MKLN1: variants seen among roughly 807,000 people sequenced by gnomAD.
MKLN1 encodes the protein muskelin 1.
A neutral mutation model predicts 99.0 loss-of-function variants in MKLN1; 18 were observed. That is an observed-to-expected ratio of 0.18 (90% CI 0.13 to 0.27). The LOEUF (loss-of-function observed/expected upper bound fraction) is 0.27. Ranked by LOEUF, MKLN1 falls within the 10% of genes least tolerant of loss-of-function variation. The probability of loss-of-function intolerance (pLI) is 1.00; values close to 1 mark genes in which losing one functional copy is unlikely to be tolerated. For missense variants in MKLN1, 621 were observed against 875.9 expected (o/e 0.71, Z 3.67); for synonymous variants, 288 against 293.2 (o/e 0.98, Z 0.18).
At chr7:131,178,338 C>A (rs1006992672) in intron 2 of MKLN1, among the ~76,000 whole-genome samples, 1 of 131,416 alleles carries the variant, frequency 7.6e-6, no homozygotes, top group African/African-American at 2.9e-5. Context: ...GGTTTTGCCA[C>A]GTTGGCCAGG....
At chr7:131,383,815 C>T (rs1236293517) in intron 2 of MKLN1, among the ~76,000 whole-genome samples, 1 of 152,294 alleles carries the variant, frequency 6.6e-6, no homozygotes, top group Admixed American at 6.5e-5. Flanking sequence ...AAACTGTCTA[C>T]TGTTGTCCAT....
intron 12 of MKLN1, among the ~76,000 whole-genome samples, chr7:131,454,084 TTTATCA>T (rs1421096730): frequency 6.6e-6 from 1 of 150,472 alleles, no homozygotes; most frequent in Non-Finnish European, 1.5e-5. Context: ...TTAACAGTAC[TTTATCA>T]TTATCTGTTA....
chr7:131,378,301 T>G (rs1348408073), intron 2 of MKLN1, among the ~76,000 whole-genome samples: 1 of 152,052 alleles, frequency 6.6e-6, no homozygotes, highest in Non-Finnish European at 1.5e-5. Flanking sequence ...TAGTAGATAC[T>G]GGGTTTCACC....
intron 1 of MKLN1, among the ~76,000 whole-genome samples, chr7:131,364,856 C>T (rs184994023): frequency 1.1e-4 from 16 of 152,190 alleles, no homozygotes; most frequent in African/African-American, 3.6e-4. Flanking sequence ...TAATCTGTCA[C>T]TGGTGGACAT....
chr7:131,225,285 C>T (rs978143024), intron 3 of MKLN1, among the ~76,000 whole-genome samples: 50 of 152,114 alleles, frequency 3.3e-4, no homozygotes, highest in African/African-American at 1.2e-3. Context: ...TGCTGTGTCT[C>T]CACATGGTGG....
chr7:131,339,284 A>G (rs981715897), intron 1 of MKLN1, among the ~76,000 whole-genome samples: 1 of 152,240 alleles, frequency 6.6e-6, no homozygotes, highest in African/African-American at 2.4e-5. Flanking sequence ...TTCTTAGCCA[A>G]AAAACTGAGA....
At chr7:131,377,689 ACTTTT>A (rs1363856338) in intron 2 of MKLN1, among the ~76,000 whole-genome samples, 1 of 152,192 alleles carries the variant, frequency 6.6e-6, no homozygotes, top group Non-Finnish European at 1.5e-5. Flanking sequence ...AGAATTTAAT[ACTTTT>A]CTTAACTTTT....
intron 6 of MKLN1, among the ~76,000 whole-genome samples, chr7:131,402,024 G>A (rs1794561260): frequency 1.3e-5 from 2 of 152,150 alleles, no homozygotes. Context: ...GAAATTTGCT[G>A]CATCAATGAG....
intron 3 of MKLN1, among the ~76,000 whole-genome samples, chr7:131,229,909 A>C (rs1053923171): frequency 2.6e-5 from 4 of 152,218 alleles, no homozygotes; most frequent in Admixed American, 2.6e-4. Context: ...GATTCTCTAC[A>C]GATGCAGGTT....
chr7:131,200,747 G>A (rs1048815466), intron 2 of MKLN1, among the ~76,000 whole-genome samples: 1 of 152,148 alleles, frequency 6.6e-6, no homozygotes, highest in African/African-American at 2.4e-5. Flanking sequence ...AAAAACTAAA[G>A]TGCAAATAAT....
intron 6 of MKLN1, among the ~76,000 whole-genome samples, chr7:131,401,241 C>G (rs1454629394): frequency 1.3e-5 from 2 of 152,082 alleles, no homozygotes; most frequent in African/African-American, 4.8e-5. Flanking sequence ...GTGTAAGGCT[C>G]TATTTATTTC....
intron 11 of MKLN1, among the ~76,000 whole-genome samples, chr7:131,444,809 AGT>A (rs2116515028): frequency 6.7e-6 from 1 of 148,374 alleles, no homozygotes; most frequent in African/African-American, 2.5e-5. Context: ...TAGTAGTAGT[AGT>A]AGTAGTAGTA....
chr7:131,273,335 A>G lies in MKLN1; in HGVS notation c.-179+70361A>G, dbSNP rs907670830. Among the ~76,000 whole-genome samples the G allele has an allele frequency of 1.3e-4, 5 of 38,880 alleles. No homozygotes were observed. The East Asian group carries it at 2.4e-3, about 18-fold the overall frequency. 25.5% of individuals were successfully genotyped at this position (38,880 alleles called of 152,430 possible). A position where few individuals can be genotyped will look rare whatever the true frequency, so the allele number is the denominator to read the frequency against. ...GTAATTCCTCATCTGGCTTGAGCCT[A>G]TTTTGGAAAAGGTCCATTTTTTTAG... On this transcript the variant is annotated intron_variant, in intron 3 of 7. Coordinates refer to the MKLN1 transcript ENST00000416992.
chr7:131,151,883 A>G (rs1020766472), intron 2 of MKLN1, among the ~76,000 whole-genome samples: 5 of 152,246 alleles, frequency 3.3e-5, no homozygotes, highest in Admixed American at 3.3e-4. Flanking sequence ...TTATTATAGA[A>G]AAGTGAAACA....
intron 16 of MKLN1, among the ~76,000 whole-genome samples, chr7:131,478,253 A>T (rs1239798584): frequency 1.3e-5 from 2 of 152,228 alleles, no homozygotes; most frequent in Non-Finnish European, 1.5e-5. Flanking sequence ...CATATATGCT[A>T]AAAATTCAGT....
At chr7:131,286,075 C>T (rs1584891401) in intron 3 of MKLN1, among the ~76,000 whole-genome samples, 1 of 152,042 alleles carries the variant, frequency 6.6e-6, no homozygotes, top group South Asian at 2.1e-4. Context: ...CTCCACCTCC[C>T]AAGGAGCTGG....
intron 1 of MKLN1, among the ~76,000 whole-genome samples, chr7:131,364,622 T>C (rs1278066564): frequency 6.6e-6 from 1 of 152,076 alleles, no homozygotes; most frequent in East Asian, 1.9e-4. Flanking sequence ...GCTCTTCTCA[T>C]TCCTCCCACC....
At chr7:131,280,681 C>T (rs1798038035) in intron 3 of MKLN1, among the ~76,000 whole-genome samples, 4 of 151,136 alleles carry the variant, frequency 2.6e-5, no homozygotes. Flanking sequence ...AAGAGTCTCA[C>T]CCTGTCACCC....
intron 2 of MKLN1, among the ~76,000 whole-genome samples, chr7:131,149,977 G>C (rs1246252254): frequency 3.3e-5 from 5 of 152,198 alleles, no homozygotes; most frequent in African/African-American, 1.2e-4. Flanking sequence ...CTGCTGTGAA[G>C]AACAGACTTC....
Sources: allele counts gnomAD v4.1 joint callset (sites outside exome capture counted in the v4.1 genomes callset), GRCh38; gene constraint gnomAD v4.1.1; transcripts MANE v1.5; gene names NCBI Gene and HGNC (gene_info 2026-07-23, HGNC 2026-07-21).